ZMYND8: variants seen among roughly 807,000 people sequenced by gnomAD.
The protein encoded by ZMYND8 is MYND-type zinc finger-containing chromatin reader ZMYND8.
In ZMYND8, 37 loss-of-function variants were observed where a neutral mutation model predicts 140.8. The ratio of observed to expected loss-of-function variants is 0.26; its 90% CI spans 0.20 to 0.35. ZMYND8 has a LOEUF of 0.35. Among genes scored for constraint, ZMYND8 ranks in the 10% least tolerant of loss-of-function variants. The pLI is 1.00. For synonymous variants in ZMYND8, 592 were observed against 597.1 expected (o/e 0.99, Z 0.12); for missense variants, 1,068 against 1,570.0 (o/e 0.68, Z 5.40).
intron 1 of ZMYND8, among the ~76,000 whole-genome samples, chr20:47,350,167 C>T (rs1469018848): frequency 6.6e-6 from 1 of 152,070 alleles, no homozygotes; most frequent in Non-Finnish European, 1.5e-5. Context: ...CCAGCTTTAG[C>T]ACAGCATTTC....
chr20:47,246,062 G>A lies in ZMYND8; in HGVS notation c.2230C>T (p.Arg744Trp), dbSNP rs369749556. 13 of 1,613,242 alleles carry A rather than the reference G, an allele frequency of 8.1e-6. No homozygotes were observed. The highest frequency in any genetic ancestry group is 2.2e-5 in the East Asian group (1 of 44,902). The change falls in exon 14 of 23, where the codon CGG becomes TGG. Residue 744 changes from arginine (R) to tryptophan (W), a missense_variant. This residue lies in a region of ZMYND8 where 383 missense variants were observed against 431.2 expected (regional missense o/e 0.89). Coordinates refer to ENST00000471951, the MANE Select transcript of ZMYND8 (RefSeq NM_001281775.3). ...VIDLGEDHSG[R>W]EGRKNKKEPK... ...TCCTTCTTATTTTTTCGACCCTCCC[G>A]CCCAGAATGGTCTTCTCCTAAATCT...
At chr20:47,284,074 C>T (rs982602195) in intron 8 of ZMYND8, among the ~76,000 whole-genome samples, 3 of 152,170 alleles carry the variant, frequency 2.0e-5, no homozygotes, top group African/African-American at 7.2e-5. Context: ...AGGCGTGCAT[C>T]ACCACGCCCA....
intron 3 of ZMYND8, among the ~76,000 whole-genome samples, chr20:47,304,551 C>A (rs1259720069): frequency 6.6e-6 from 1 of 152,232 alleles, no homozygotes; most frequent in Non-Finnish European, 1.5e-5. Context: ...GGTGCTCTGG[C>A]TGTGTGTAAA....
intron 12 of ZMYND8, among the ~76,000 whole-genome samples, chr20:47,254,240 G>A (rs895945921): frequency 2.0e-5 from 3 of 152,194 alleles, no homozygotes; most frequent in African/African-American, 7.2e-5. Flanking sequence ...ACTCACGCTA[G>A]AGAAAAAGGC....
At chr20:47,341,748 A>G (rs1321822035) in intron 2 of ZMYND8, among the ~76,000 whole-genome samples, 1 of 152,134 alleles carries the variant, frequency 6.6e-6, no homozygotes, top group African/African-American at 2.4e-5. Context: ...TCGTGCCTGT[A>G]ATCCCAGCAC....
chr20:47,210,849 C>T lies in ZMYND8; in HGVS notation c.3617G>A (p.Arg1206Lys), dbSNP rs1184491566. ...KSSWSSSDEK[R>K]GSTRSDHNTS... ...GTTGTGATCGGAACGTGTCGATCCCCTCTTCTCATCACTGCTGCTCCAACT... is the reference window on the plus strand; with the variant it reads ...GTTGTGATCGGAACGTGTCGATCCCTTCTTCTCATCACTGCTGCTCCAACT... The change falls in exon 23 of 23, where the codon AGG becomes AAG. Residue 1206 changes from arginine (R) to lysine (K), a missense_variant. By Grantham distance (26) the Arg-to-Lys change is conservative. Coordinates refer to ENST00000471951, the MANE Select transcript of ZMYND8 (RefSeq NM_001281775.3). The T allele has an allele frequency of 1.2e-6, 2 of 1,614,084 alleles. No homozygotes were observed. The highest frequency in any genetic ancestry group is 2.2e-5 in the East Asian group (1 of 44,870).
In ZMYND8 at chr20:47,212,735, T is replaced by C. The variant is rs371081779; in HGVS notation, c.3485-10A>G. The C allele has an allele frequency of 5.3e-5, 85 of 1,603,096 alleles. No homozygotes were observed. Among genetic ancestry groups the C allele is most frequent in the Non-Finnish European group, 6.5e-5 (76 of 1,172,720 alleles). On this transcript the variant is annotated splice_polypyrimidine_tract_variant and intron_variant, in intron 21 of 22. Transcript: ENST00000471951. ...TCACACCTTTTGCTAACTGAAGAGA[T>C]AGCACAGGTAGCCTCAGAGTCTGTC... is the stretch of plus-strand genomic sequence containing the variant.
intron 19 of ZMYND8, among the ~76,000 whole-genome samples, chr20:47,222,097 T>A (rs2037048978): frequency 6.6e-6 from 1 of 152,242 alleles, no homozygotes; most frequent in African/African-American, 2.4e-5. Flanking sequence ...TTACTCTATT[T>A]AGTCATTTCT....
chr20:47,242,485 CA>C (rs2040090350), intron 14 of ZMYND8, among the ~76,000 whole-genome samples: 1 of 152,224 alleles, frequency 6.6e-6, no homozygotes, highest in Non-Finnish European at 1.5e-5. Context: ...GGGCAGGGGG[CA>C]GTGCCTTAGC....
At chr20:47,265,068 A>ATATATATATATATATAT (rs1555948705) in intron 11 of ZMYND8, among the ~76,000 whole-genome samples, 4 of 144,494 alleles carry the variant, frequency 2.8e-5, no homozygotes, top group Non-Finnish European at 4.6e-5. Context: ...ATATATATAT[A>ATATATATATATATATAT]GGCATTTTAA....
Position 47,242,595 on chromosome 20 carries a change from C to A in ZMYND8, c.2284+3413G>T, listed in dbSNP as rs377247086. 3.2e-4 allele frequency among the ~76,000 whole-genome samples: 49 copies of A among 152,328 alleles called. 2 individuals are homozygous for A. The East Asian group carries it at 9.1e-3, about 28-fold the overall frequency. On this transcript the variant is annotated intron_variant, in intron 14 of 22. Transcript: ENST00000471951. ...GTTGATGAGCTAGCCTGTCTCCCCACCGTAAGGGCAACCGCAAAATGGTCG... is the reference window on the plus strand; with the variant it reads ...GTTGATGAGCTAGCCTGTCTCCCCAACGTAAGGGCAACCGCAAAATGGTCG...
rs1031518577 is a variant in ZMYND8, at chr20:47,210,191, C to A, written c.*570G>T. 8.5e-5 allele frequency: 13 copies of A among 152,862 alleles called. No individual in the cohort carries two copies. Among genetic ancestry groups the A allele is most frequent in the African/African-American group, 2.7e-4 (11 of 41,436 alleles). 9.5% of individuals were successfully genotyped at this position (152,862 alleles called of 1,614,324 possible). The stretch of plus-strand genomic sequence containing the variant: ...TAACGTAGTAGCTGAAAGGAGCCAA[C>A]GGCTTGATGGGATAGTCTGTGCCGA... On this transcript the variant is annotated 3_prime_UTR_variant, in exon 23 of 23. Transcript: ENST00000471951.
At chr20:47,329,264 T>G (rs1338986612) in intron 2 of ZMYND8, among the ~76,000 whole-genome samples, 1 of 152,190 alleles carries the variant, frequency 6.6e-6, no homozygotes, top group African/African-American at 2.4e-5. Flanking sequence ...TGTGATCCAA[T>G]CAAGCTTGCT....
intron 4 of ZMYND8, among the ~76,000 whole-genome samples, chr20:47,295,730 C>T (rs1333323702): frequency 2.0e-5 from 3 of 152,198 alleles, no homozygotes; most frequent in Non-Finnish European, 4.4e-5. Context: ...ATATCAGCTC[C>T]TAAGGGAAAT....
At chr20:47,319,180 A>T (rs764148415) in intron 2 of ZMYND8, 12 of 494,582 alleles carry the variant, frequency 2.4e-5, no homozygotes, top group Non-Finnish European at 4.2e-5. Flanking sequence ...CCTCTTTGCA[A>T]TCAGGCAGTC....
intron 12 of ZMYND8, among the ~76,000 whole-genome samples, chr20:47,249,895 C>A (rs1255421551): frequency 6.6e-6 from 1 of 152,158 alleles, no homozygotes; most frequent in Non-Finnish European, 1.5e-5. Context: ...CTCGAAAACA[C>A]CCTGATAATT....
intron 21 of ZMYND8, among the ~76,000 whole-genome samples, chr20:47,215,594 A>G (rs1350549712): frequency 6.7e-6 from 1 of 148,612 alleles, no homozygotes; most frequent in African/African-American, 2.6e-5. Context: ...TGCAGTCTCA[A>G]AACTCCTAGG....
Position 47,347,872 on chromosome 20 carries a change from G to C in ZMYND8, c.69C>G (p.Ile23Met). ...TEQEVVEGMD[I>M]STRSKDPGSA... Reference sequence around the variant, plus strand: ...TTTACTCACCTTTGGAGCGAGTAGAGATATCCATGCCCTCTACCACCTCCT... The same window carrying C: ...TTTACTCACCTTTGGAGCGAGTAGACATATCCATGCCCTCTACCACCTCCT... Residue 23 changes from isoleucine (I) to methionine (M), a missense_variant, in exon 2 of 23, where the codon ATC becomes ATG. Physicochemically the swap from Ile to Met is conservative, Grantham distance 10 (BLOSUM62 1). Transcript: ENST00000471951. The C allele has an allele frequency of 1.2e-6, 2 of 1,613,926 alleles. No individual in the cohort carries two copies. Among genetic ancestry groups the C allele is most frequent in the Non-Finnish European group, 1.7e-6 (2 of 1,180,032 alleles).
chr20:47,288,958 C>T (rs1399381306), intron 7 of ZMYND8, among the ~76,000 whole-genome samples: 1 of 151,968 alleles, frequency 6.6e-6, no homozygotes, highest in Admixed American at 6.6e-5. Flanking sequence ...AAAAATTAGC[C>T]AGGTGTGGTG....
Sources: allele counts gnomAD v4.1 joint callset (sites outside exome capture counted in the v4.1 genomes callset), GRCh38; gene constraint gnomAD v4.1.1; regional missense constraint gnomAD v4.1.1; transcripts MANE v1.5; gene names NCBI Gene and HGNC (gene_info 2026-07-23, HGNC 2026-07-21).